The following DNM3 variants were observed in gnomAD, a reference collection of about 807,000 sequenced individuals.
The protein encoded by DNM3 is dynamin-3.
A neutral mutation model predicts 101.6 loss-of-function variants in DNM3; 47 were observed. The ratio of observed to expected loss-of-function variants is 0.46; its 90% CI spans 0.37 to 0.59. The LOEUF (loss-of-function observed/expected upper bound fraction) is 0.59. Among genes scored for constraint, DNM3 ranks in the 20% least tolerant of loss-of-function variants. The pLI is 0.00. For synonymous variants in DNM3, 385 were observed against 387.9 expected (o/e 0.99, Z 0.09); for missense variants, 849 against 1,085.7 (o/e 0.78, Z 3.06).
Position 171,913,865 on chromosome 1 carries a change from T to G in DNM3, c.162-7883T>G, listed in dbSNP as rs140346914. On this transcript the variant is annotated intron_variant, in intron 1 of 20. Coordinates refer to ENST00000627582, the MANE Select transcript of DNM3 (RefSeq NM_015569.5). ...GTGCAGTGGCATGAACATGGCTCAC[T>G]GCAGCCTCGACCTCCTGGGTTCAAG... Among the ~76,000 whole-genome samples the G allele has an allele frequency of 5.3e-3, 814 of 152,162 alleles. 9 individuals carry two copies. The highest frequency in any genetic ancestry group is 0.018 in the African/African-American group (768 of 41,520).
intron 11 of DNM3, 69 bp from the exon 12 acceptor site, chr1:172,081,763 A>G: frequency 8.0e-7 from 1 of 1,249,602 alleles, no homozygotes; most frequent in Non-Finnish European, 1.1e-6. Context: ...ATTTGTGGGC[A>G]ATTACTGAAT....
chr1:171,867,601 A>G (rs1010190826), intron 1 of DNM3, among the ~76,000 whole-genome samples: 2 of 152,210 alleles, frequency 1.3e-5, no homozygotes, highest in African/African-American at 4.8e-5. Context: ...TGTCACTCAT[A>G]AATTTTTCCA....
At chr1:172,125,718 TG>T (rs1363831839) in intron 13 of DNM3, among the ~76,000 whole-genome samples, 1 of 152,218 alleles carries the variant, frequency 6.6e-6, no homozygotes, top group African/African-American at 2.4e-5. Context: ...CATGTAATTA[TG>T]GGTTTGCTTG....
intron 17 of DNM3, among the ~76,000 whole-genome samples, chr1:172,363,852 C>G (rs995790778): frequency 2.6e-5 from 4 of 151,914 alleles, no homozygotes; most frequent in African/African-American, 9.7e-5. Flanking sequence ...AAACTAATTT[C>G]CACCTCCATT....
intron 20 of DNM3, among the ~76,000 whole-genome samples, chr1:172,394,819 G>T (rs1161378951): frequency 6.6e-6 from 1 of 152,048 alleles, no homozygotes; most frequent in East Asian, 1.9e-4. Flanking sequence ...GTCACCAGTT[G>T]GAATCTGCTG....
At chr1:172,278,015 A>C (rs950298626) in intron 15 of DNM3, among the ~76,000 whole-genome samples, 20 of 152,120 alleles carry the variant, frequency 1.3e-4, no homozygotes, top group Non-Finnish European at 2.9e-5. Flanking sequence ...CTCAGCTCAG[A>C]GATTCATTGC....
At chr1:171,891,210 A>C (rs2037244646) in intron 1 of DNM3, among the ~76,000 whole-genome samples, 1 of 152,168 alleles carries the variant, frequency 6.6e-6, no homozygotes, top group Non-Finnish European at 1.5e-5. Flanking sequence ...ACGGCATTAG[A>C]GATGGGGCTG....
intron 1 of DNM3, among the ~76,000 whole-genome samples, chr1:171,842,060 G>C (rs774568092): frequency 6.6e-6 from 1 of 152,088 alleles, no homozygotes; most frequent in Non-Finnish European, 1.5e-5. Context: ...GCCTTTCATC[G>C]TGCGATACAA....
At chr1:172,107,317 T>C (rs1308164880) in intron 13 of DNM3, among the ~76,000 whole-genome samples, 2 of 152,048 alleles carry the variant, frequency 1.3e-5, no homozygotes, top group African/African-American at 4.8e-5. Flanking sequence ...GGTTCATCTG[T>C]TGGGAGTGAG....
At chr1:172,100,797 A>G (rs1390934240) in intron 13 of DNM3, among the ~76,000 whole-genome samples, 6 of 151,968 alleles carry the variant, frequency 3.9e-5, no homozygotes, top group Non-Finnish European at 8.8e-5. Flanking sequence ...TTCCTTCCAT[A>G]TTTTTGTTCT....
chr1:172,323,213 A>AACT, intron 16 of DNM3, 116 bp from the exon 17 acceptor site: 1 of 937,376 alleles, frequency 1.1e-6, no homozygotes, highest in Non-Finnish European at 1.5e-6. Context: ...AGCAAGAAAA[A>AACT]CCTCATTTTA....
At chr1:172,413,123 T>G (rs968523338), downstream of DNM3, among the ~76,000 whole-genome samples, 1 of 152,172 alleles carries the variant, frequency 6.6e-6, no homozygotes, top group African/African-American at 2.4e-5. Flanking sequence ...ACAGAAGGCA[T>G]TTCTTATAGC....
At chr1:172,368,453 A>G (rs2068143856) in intron 17 of DNM3, among the ~76,000 whole-genome samples, 1 of 151,916 alleles carries the variant, frequency 6.6e-6, no homozygotes, top group Admixed American at 6.6e-5. Flanking sequence ...AATATATCAA[A>G]TCCTACGCAA....
At chr1:172,317,714 C>T (rs916714141) in intron 16 of DNM3, among the ~76,000 whole-genome samples, 3 of 152,180 alleles carry the variant, frequency 2.0e-5, no homozygotes, top group Non-Finnish European at 4.4e-5. Flanking sequence ...CTGAATAGAC[C>T]AGTAACAGGC....
At chr1:172,255,521 C>T (rs1400882398) in intron 15 of DNM3, among the ~76,000 whole-genome samples, 3 of 152,108 alleles carry the variant, frequency 2.0e-5, no homozygotes, top group African/African-American at 7.2e-5. Flanking sequence ...CTATGGTAGA[C>T]TATCATTTTT....
chr1:172,179,536 C>T (rs975923923), intron 14 of DNM3, among the ~76,000 whole-genome samples: 2 of 151,372 alleles, frequency 1.3e-5, no homozygotes, highest in African/African-American at 4.8e-5. Context: ...GTTTTTTTTG[C>T]TATGGTTTAT....
chr1:172,317,991 A>T (rs920023584), intron 16 of DNM3, among the ~76,000 whole-genome samples: 8 of 152,212 alleles, frequency 5.3e-5, no homozygotes, highest in Non-Finnish European at 8.8e-5. Flanking sequence ...ATCCTCAATA[A>T]AATACTGGCA....
At chr1:171,921,280 TATTTAGAGGATACAATCTA>T (rs2040149758) in intron 1 of DNM3, among the ~76,000 whole-genome samples, 1 of 152,136 alleles carries the variant, frequency 6.6e-6, no homozygotes, top group South Asian at 2.1e-4. Context: ...AGTGTCAGTA[TATTTAGAGGATACAATCTA>T]ATGTGCCTTT....
chr1:172,114,454 G>C (rs150380290), intron 13 of DNM3, among the ~76,000 whole-genome samples: 1 of 152,066 alleles, frequency 6.6e-6, no homozygotes, highest in African/African-American at 2.4e-5. Flanking sequence ...CTTCATAAAG[G>C]TTCTTCCATT....
Sources: allele counts gnomAD v4.1 joint callset (sites outside exome capture counted in the v4.1 genomes callset), GRCh38; gene constraint gnomAD v4.1.1; transcripts MANE v1.5; gene names NCBI Gene and HGNC (gene_info 2026-07-23, HGNC 2026-07-21).